The following CEP126 variants were observed in gnomAD, a reference collection of about 807,000 sequenced individuals.
CEP126 encodes centrosomal protein of 126 kDa.
CEP126 carries 74 observed loss-of-function variants against 107.8 expected under a neutral mutation model. The observed-to-expected ratio is 0.69, with a 90% CI of 0.57 to 0.83. CEP126 has a LOEUF of 0.83. CEP126 is among the 40% of genes least tolerant of loss of function. The probability of loss-of-function intolerance (pLI) is 0.00; values close to 1 mark genes in which losing one functional copy is unlikely to be tolerated. For missense variants in CEP126, 1,237 were observed against 1,281.9 expected (o/e 0.96, Z 0.53); for synonymous variants, 449 against 446.0 (o/e 1.01, Z -0.08).
intron 2 of CEP126, among the ~76,000 whole-genome samples, chr11:101,929,709 T>G (rs1940464830): frequency 6.6e-6 from 1 of 152,160 alleles, no homozygotes; most frequent in South Asian, 2.1e-4. Context: ...GAAGACCACT[T>G]TACCACCAGG....
Position 101,922,624 on chromosome 11 carries a change from C to G in CEP126, c.129-17C>G, listed in dbSNP as rs1940346780. 1 of 1,589,978 alleles carries G rather than the reference C, an allele frequency of 6.3e-7. No homozygotes were observed. The highest frequency in any genetic ancestry group is 1.3e-5 in the African/African-American group (1 of 74,322). ...TAAAGATGTAGACCATTGTTCTTAA[C>G]TTAATGCTATCATTAGAGATATGAA... On this transcript the variant is annotated splice_polypyrimidine_tract_variant and intron_variant, in intron 1 of 10. Coordinates refer to ENST00000263468, the MANE Select transcript of CEP126 (RefSeq NM_020802.4).
chr11:101,938,177 T>TAAAAAAAAAAA (rs1940617901), intron 2 of CEP126, among the ~76,000 whole-genome samples: 1 of 116,168 alleles, frequency 8.6e-6, no homozygotes, highest in Non-Finnish European at 1.8e-5. Context: ...AAAAAAAAAA[T>TAAAAAAAAAAA]ACAAGAAATT....
chr11:101,921,606 C>CTGAGGCAGAAGA (rs1940326981), intron 1 of CEP126, among the ~76,000 whole-genome samples: 1 of 148,064 alleles, frequency 6.8e-6, no homozygotes, highest in African/African-American at 2.5e-5. Flanking sequence ...ACTTGGGAGG[C>CTGAGGCAGAAGA]TGAGGCAGAA....
intron 1 of CEP126, among the ~76,000 whole-genome samples, chr11:101,920,262 A>G (rs1940302347): frequency 6.6e-6 from 1 of 152,246 alleles, no homozygotes; most frequent in Non-Finnish European, 1.5e-5. Context: ...GAAATATGTA[A>G]TAATAGAGTT....
chr11:101,937,674 A>G (rs965868862), intron 2 of CEP126, among the ~76,000 whole-genome samples: 1 of 152,222 alleles, frequency 6.6e-6, no homozygotes. Context: ...GTTCACCTCT[A>G]TATTTTGAAA....
intron 8 of CEP126, among the ~76,000 whole-genome samples, chr11:101,986,393 C>T (rs1385499641): frequency 6.6e-6 from 1 of 152,122 alleles, no homozygotes; most frequent in Non-Finnish European, 1.5e-5. Context: ...GGGTCTGTTT[C>T]TAGGCTGTCA....
intron 10 of CEP126, among the ~76,000 whole-genome samples, chr11:101,996,054 T>C (rs1201589209): frequency 6.6e-6 from 1 of 152,226 alleles, no homozygotes; most frequent in Non-Finnish European, 1.5e-5. Flanking sequence ...GGTTAGTCAG[T>C]GATGGACAAA....
chr11:101,926,525 A>G lies in CEP126; in HGVS notation c.248+3765A>G, dbSNP rs369028512. On this transcript the variant is annotated intron_variant, in intron 2 of 10. Coordinates refer to ENST00000263468, the MANE Select transcript of CEP126 (RefSeq NM_020802.4). The stretch of plus-strand genomic sequence containing the variant: ...TCAGAGGAGTGTCATGATCAGATTT[A>G]TATTTTAGCTCATTATAGCAAAGGG... 7.2e-5 allele frequency among the ~76,000 whole-genome samples: 11 copies of G among 152,356 alleles called. No individual in the cohort carries two copies. The South Asian group carries it at 2.1e-3, about 29-fold the overall frequency.
chr11:101,980,459 TCTTGCTCTTTTGCATG>T (rs1253150487), intron 7 of CEP126, among the ~76,000 whole-genome samples: 1 of 152,236 alleles, frequency 6.6e-6, no homozygotes, highest in East Asian at 1.9e-4. Context: ...TTTTTCTGTC[TCTTGCTCTTTTGCATG>T]CTTAATGTAT....
rs566233813 is a variant in CEP126 at position 101,957,443 on chromosome 11, C to CTA, written c.507-722_507-721dup. On this transcript the variant is annotated intron_variant, in intron 4 of 10. Transcript: ENST00000263468. ...TGTATATGTGCTGAAATCTAACATG[C>CTA]TATAGATTTGCAGAAGATACAAAAT... is the stretch of plus-strand genomic sequence containing the variant. Among the ~76,000 whole-genome samples the CTA allele has an allele frequency of 8.2e-4, 125 of 152,190 alleles. 1 individual carries two copies. The highest frequency in any genetic ancestry group is 2.9e-3 in the African/African-American group (120 of 41,528).
intron 10 of CEP126, among the ~76,000 whole-genome samples, chr11:101,993,302 C>T (rs913014081): frequency 1.3e-5 from 2 of 152,128 alleles, no homozygotes; most frequent in South Asian, 2.1e-4. Flanking sequence ...TAAGTGAGAA[C>T]GTGTGGTATT....
chr11:101,956,038 G>A (rs1013046398), intron 4 of CEP126: 14 of 456,194 alleles, frequency 3.1e-5, no homozygotes, highest in Middle Eastern at 3.2e-4. Flanking sequence ...CTCCAACCCC[G>A]GCTACTTCCA....
At position 101,970,063 on chromosome 11, in the gene CEP126, T is replaced by C. The variant is rs370893915; in HGVS notation, c.2845+6183T>C. ...AACAAACCACTAAGGAGAAGATTGA[T>C]CAATTGTAGATTAAAATTAGAGACT... is the stretch of plus-strand genomic sequence containing the variant. On this transcript the variant is annotated intron_variant, in intron 6 of 10. Transcript: ENST00000263468. Among the ~76,000 whole-genome samples the C allele has an allele frequency of 1.4e-4, 22 of 152,290 alleles. No individual in the cohort carries two copies. The East Asian group carries it at 1.7e-3, about 12-fold the overall frequency.
At chr11:101,956,320 T>A (rs1940889367) in intron 4 of CEP126, 1 of 456,232 alleles carries the variant, frequency 2.2e-6, no homozygotes, top group African/African-American at 2.0e-5. Flanking sequence ...AGCCTTCCTG[T>A]TTATCCAGTC....
intron 2 of CEP126, among the ~76,000 whole-genome samples, chr11:101,943,443 T>C (rs1940693888): frequency 6.6e-6 from 1 of 151,922 alleles, no homozygotes; most frequent in African/African-American, 2.4e-5. Flanking sequence ...CCTAACCCCA[T>C]GCATTCTAAG....
chr11:101,963,058 A>G lies in CEP126; in HGVS notation c.2023A>G (p.Ser675Gly). 6.2e-7 allele frequency: 1 copy of G among 1,614,132 alleles called. No homozygotes were observed. The highest frequency in any genetic ancestry group is 8.5e-7 in the Non-Finnish European group (1 of 1,179,976). Reference sequence around the variant, plus strand: ...AAGTGGTGCTGGAAGCAACATAATTAGTGTTTCTACTTGTGCTGTAAATTC... The same window carrying G: ...AAGTGGTGCTGGAAGCAACATAATTGGTGTTTCTACTTGTGCTGTAAATTC... ...IQSGAGSNII[S>G]VSTCAVNSAD... The change falls in exon 6 of 11, where the codon AGT becomes GGT. Residue 675 changes from serine to glycine, a missense_variant. Coordinates refer to ENST00000263468, the MANE Select transcript of CEP126 (RefSeq NM_020802.4).
intron 9 of CEP126, among the ~76,000 whole-genome samples, chr11:101,987,373 T>C (rs1194241418): frequency 6.6e-6 from 1 of 152,144 alleles, no homozygotes; most frequent in African/African-American, 2.4e-5. Context: ...ACCTGCAATA[T>C]AGTGATGAGC....
chr11:101,918,275 A>G (rs1264070741), intron 1 of CEP126, among the ~76,000 whole-genome samples: 1 of 152,052 alleles, frequency 6.6e-6, no homozygotes, highest in Non-Finnish European at 1.5e-5. Context: ...TGGTGAAACC[A>G]TATCTCTACA....
At chr11:101,992,355 T>C (rs1464826483) in intron 9 of CEP126, among the ~76,000 whole-genome samples, 1 of 152,116 alleles carries the variant, frequency 6.6e-6, no homozygotes, top group African/African-American at 2.4e-5. Context: ...ATGCTTGCTA[T>C]TATATAGACA....
Sources: gnomAD v4.1 joint callset for allele counts (sites outside exome capture counted in the v4.1 genomes callset) on GRCh38, gnomAD v4.1.1 for gene constraint, MANE v1.5 for transcripts, NCBI Gene and HGNC (gene_info 2026-07-23, HGNC 2026-07-21) for gene names.